Variants in KCNIP4 observed in about 807,000 individuals in gnomAD.
KCNIP4 encodes Kv channel-interacting protein 4.
Under a neutral mutation model 34.0 loss-of-function variants are expected in KCNIP4, and 12 were observed. The ratio of observed to expected loss-of-function variants is 0.35; its 90% CI spans 0.23 to 0.57. The LOEUF (loss-of-function observed/expected upper bound fraction) is 0.57. KCNIP4 is among the 20% of genes least tolerant of loss of function. The pLI, the probability that KCNIP4 is intolerant of heterozygous loss-of-function variation, is 0.83. For missense variants in KCNIP4, 238 were observed against 311.7 expected (o/e 0.76, Z 1.78); for synonymous variants, 124 against 102.2 (o/e 1.21, Z -1.29).
In KCNIP4 at chr4:20,855,054, G is replaced by A. The variant is rs115956105; in HGVS notation, c.164-4387C>T. 1.5e-3 allele frequency among the ~76,000 whole-genome samples: 226 copies of A among 152,212 alleles called. 1 individual carries two copies. The highest frequency in any genetic ancestry group is 4.5e-3 in the African/African-American group (187 of 41,540). ...AACAAGGAGTCTTGTTTAACTTTGCGTAACCCAACTGACCCCAAAGGTATT... is the reference window on the plus strand; with the variant it reads ...AACAAGGAGTCTTGTTTAACTTTGCATAACCCAACTGACCCCAAAGGTATT... On this transcript the variant is annotated intron_variant, in intron 2 of 8. Transcript: ENST00000382152.
chr4:21,668,611 T>C (rs1749214726), intron 1 of KCNIP4, among the ~76,000 whole-genome samples: 1 of 152,162 alleles, frequency 6.6e-6, no homozygotes, highest in African/African-American at 2.4e-5. Context: ...TATTATTATA[T>C]ACAAGAAGAT....
chr4:21,414,789 C>A (rs1396542758), intron 1 of KCNIP4, among the ~76,000 whole-genome samples: 1 of 151,896 alleles, frequency 6.6e-6, no homozygotes, highest in East Asian at 1.9e-4. Context: ...CTGAATGAAT[C>A]TTTAATTTTT....
intron 1 of KCNIP4, among the ~76,000 whole-genome samples, chr4:21,918,417 A>G (rs189103931): frequency 6.6e-6 from 1 of 152,294 alleles, no homozygotes; most frequent in East Asian, 1.9e-4. Flanking sequence ...ACATCGTATT[A>G]GAAAAAGAGT....
chr4:21,224,135 C>A (rs1044825095), intron 1 of KCNIP4, among the ~76,000 whole-genome samples: 1 of 152,152 alleles, frequency 6.6e-6, no homozygotes, highest in Non-Finnish European at 1.5e-5. Context: ...CAAGATGATG[C>A]TTTGTGTTGT....
At chr4:21,823,288 C>A (rs1722479044) in intron 1 of KCNIP4, among the ~76,000 whole-genome samples, 1 of 151,908 alleles carries the variant, frequency 6.6e-6, no homozygotes, top group Non-Finnish European at 1.5e-5. Flanking sequence ...TTATAATATA[C>A]ACTTTAACAA....
chr4:21,675,187 C>T (rs1045033051), intron 1 of KCNIP4, among the ~76,000 whole-genome samples: 1 of 152,070 alleles, frequency 6.6e-6, no homozygotes, highest in African/African-American at 2.4e-5. Context: ...GTGAAATAAA[C>T]AAGGCAGAGA....
chr4:21,548,488 C>T (rs1003588367), intron 1 of KCNIP4, among the ~76,000 whole-genome samples: 2 of 151,940 alleles, frequency 1.3e-5, no homozygotes, highest in African/African-American at 2.4e-5. Context: ...GTTGTAATAA[C>T]ACATCACTGT....
chr4:21,646,606 C>A (rs1747040332), intron 1 of KCNIP4, among the ~76,000 whole-genome samples: 1 of 152,086 alleles, frequency 6.6e-6, no homozygotes, highest in Non-Finnish European at 1.5e-5. Flanking sequence ...CTGGTATTTA[C>A]ATTTTCAATT....
chr4:21,445,028 C>T (rs540288717), intron 1 of KCNIP4, among the ~76,000 whole-genome samples: 1 of 152,258 alleles, frequency 6.6e-6, no homozygotes, highest in Non-Finnish European at 1.5e-5. Flanking sequence ...TTCACAATTG[C>T]TTCAAAGAGA....
chr4:21,370,393 T>C (rs139521563), intron 1 of KCNIP4, among the ~76,000 whole-genome samples: 4 of 146,834 alleles, frequency 2.7e-5, no homozygotes, highest in Admixed American at 6.6e-5. Context: ...CTGTAAAACA[T>C]AGACTAAAAT....
intron 1 of KCNIP4, among the ~76,000 whole-genome samples, chr4:21,872,140 G>A (rs1470861510): frequency 2.6e-5 from 4 of 152,104 alleles, no homozygotes; most frequent in East Asian, 1.9e-4. Flanking sequence ...AGCCCTCAGA[G>A]AAGGGGAGAG....
chr4:21,052,261 C>A (rs1390635972), intron 1 of KCNIP4, among the ~76,000 whole-genome samples: 1 of 152,170 alleles, frequency 6.6e-6, no homozygotes, highest in Non-Finnish European at 1.5e-5. Flanking sequence ...TGAGCTTAAT[C>A]TTATATCTTC....
At chr4:21,027,823 C>T (rs944100381) in intron 1 of KCNIP4, among the ~76,000 whole-genome samples, 1 of 152,006 alleles carries the variant, frequency 6.6e-6, no homozygotes, top group African/African-American at 2.4e-5. Context: ...TATATTCACT[C>T]TTCTTTGTTT....
At chr4:21,086,359 T>C (rs1038907040) in intron 1 of KCNIP4, among the ~76,000 whole-genome samples, 15 of 152,208 alleles carry the variant, frequency 9.9e-5, no homozygotes, top group Admixed American at 3.9e-4. Context: ...CATCGTTGCA[T>C]TGAAAGTTCT....
chr4:21,946,027 C>G (rs1339727811), intron 1 of KCNIP4, among the ~76,000 whole-genome samples: 1 of 148,214 alleles, frequency 6.7e-6, no homozygotes, highest in Non-Finnish European at 1.5e-5. Context: ...GATGCGTTTA[C>G]TTGTTGAGAA....
At chr4:21,183,469 G>GTT (rs3080812) in intron 1 of KCNIP4, among the ~76,000 whole-genome samples, 13,259 of 128,140 alleles carry the variant, frequency 0.1, 716 homozygotes, top group East Asian at 0.2. Context: ...TGTTGTTTTT[G>GTT]TTTTTTTTTT....
chr4:21,826,580 G>A (rs534896317), intron 1 of KCNIP4, among the ~76,000 whole-genome samples: 33 of 152,042 alleles, frequency 2.2e-4, no homozygotes, highest in African/African-American at 7.7e-4. Context: ...TTTTTAAACG[G>A]TCACTGAAAT....
rs535787789 is a variant in KCNIP4 at position 21,701,829 on chromosome 4, G to A, written c.61+246742C>T. On this transcript the variant is annotated intron_variant, in intron 1 of 8. Coordinates refer to ENST00000382152, the MANE Select transcript of KCNIP4 (RefSeq NM_025221.6). ...AGTGATTCTCCTGCCTCAGCCTCCC[G>A]AGTAGCTGGCATTACAGGTGCCCGC... Among the ~76,000 whole-genome samples the A allele has an allele frequency of 3.7e-3, 559 of 151,818 alleles. 3 individuals are homozygous for A. The highest frequency in any genetic ancestry group is 0.012 in the African/African-American group (477 of 41,400).
rs1361535578 is a variant in KCNIP4 at position 21,941,600 on chromosome 4, C to T, written c.61+6971G>A. On this transcript the variant is annotated intron_variant, in intron 1 of 8. Transcript: ENST00000382152. ...CTAAGCCAATACAAATTTCAGGTAA[C>T]CAAAAAGTTAAAAATTGTTGCTGTA... 3.3e-5 allele frequency among the ~76,000 whole-genome samples: 5 copies of T among 151,866 alleles called. No individual in the cohort carries two copies. In the East Asian group the frequency reaches 5.8e-4, roughly 18 times the overall value.
Sources: allele counts gnomAD v4.1 joint callset (sites outside exome capture counted in the v4.1 genomes callset), GRCh38; gene constraint gnomAD v4.1.1; transcripts MANE v1.5; gene names NCBI Gene and HGNC (gene_info 2026-07-23, HGNC 2026-07-21).